Variants in TSPAN10 observed in about 807,000 individuals in gnomAD.
TSPAN10 encodes tetraspanin-10.
TSPAN10 carries 11 observed loss-of-function variants against 15.0 expected under a neutral mutation model. The observed-to-expected ratio is 0.73, with a 90% CI of 0.46 to 1.21. The LOEUF is 1.21. Ranked by LOEUF, TSPAN10 falls within the 50% of genes most tolerant of loss-of-function variation. TSPAN10 has a pLI of 0.00. For synonymous variants in TSPAN10, 241 were observed against 226.2 expected, an observed-to-expected ratio of 1.07 and a Z score of -0.59; for missense variants, 486 against 470.6, an observed-to-expected ratio of 1.03 and a Z score of -0.30.
At chr17:81,641,106 G>A (rs539980394), upstream of TSPAN10, among the ~76,000 whole-genome samples, 10 of 151,852 alleles carry the variant, frequency 6.6e-5, no homozygotes, top group South Asian at 2.1e-4. Context: ...CAGAGGTTGC[G>A]GTGAGTCAAA....
At chr17:81,647,088 G>A (rs2036264913) in intron 2 of TSPAN10, among the ~76,000 whole-genome samples, 1 of 152,134 alleles carries the variant, frequency 6.6e-6, no homozygotes, top group Non-Finnish European at 1.5e-5. Flanking sequence ...GAAGTCATAG[G>A]CAACCCTGAA....
exon 2 of TSPAN10, chr17:81,645,098 G>A (rs1208390978): frequency 5.0e-6 from 8 of 1,590,550 alleles, no homozygotes; most frequent in Non-Finnish European, 6.8e-6. Flanking sequence ...TGCAGCTGCT[G>A]TCCCCCGGAG....
chr17:81,645,410 G>C lies in TSPAN10; in HGVS notation c.455G>C (p.Gly152Ala). 1 of 1,603,354 alleles carries C rather than the reference G, an allele frequency of 6.2e-7. No homozygotes were observed. The highest frequency in any genetic ancestry group is 8.5e-7 in the Non-Finnish European group (1 of 1,177,018). ...TGTGAGAACACCTGCCTGTTACGTG[G>C]CTTCTCTGGGGGCATCCTTGCCTTC... Residue 152 changes from glycine (G) to alanine (A), a missense_variant, in exon 2 of 3, where the codon GGC becomes GCC. Gly to Ala is a moderately conservative substitution (Grantham distance 60). Coordinates refer to ENST00000611590, the Ensembl canonical transcript of TSPAN10.
At chr17:81,640,580 C>T (rs1291988586), upstream of TSPAN10, among the ~76,000 whole-genome samples, 3 of 152,118 alleles carry the variant, frequency 2.0e-5, no homozygotes, top group Non-Finnish European at 4.4e-5. Flanking sequence ...TCCCATGTAG[C>T]TGGGATTACA....
intron 2 of TSPAN10, chr17:81,646,039 GC>G (rs2144384223): frequency 3.3e-6 from 1 of 303,394 alleles, no homozygotes; most frequent in East Asian, 1.2e-4. Context: ...TGTTCCCCCC[GC>G]CAGGGCCAGG....
At chr17:81,645,057 G>T in exon 2 of TSPAN10, 1 of 1,587,710 alleles carries the variant, frequency 6.3e-7, no homozygotes, top group Non-Finnish European at 8.6e-7. Flanking sequence ...TAGGTCCAGT[G>T]CCCAGGGAGG....
intron 1 of TSPAN10, among the ~76,000 whole-genome samples, chr17:81,642,972 C>T (rs72857167): frequency 0.51 from 76,061 of 149,674 alleles, 21,102 homozygotes; most frequent in East Asian, 0.99. Context: ...GGCAATGTAG[C>T]GAGACCCTGT....
rs183262449 is a variant in TSPAN10, at chr17:81,645,450, C to T, written c.495C>T (p.Ala165=). 11,831 of 1,595,626 alleles carry T rather than the reference C, an allele frequency of 7.4e-3. 67 individuals are homozygous for T. The highest frequency in any genetic ancestry group is 8.1e-3 in the Non-Finnish European group (9,503 of 1,173,830). The stretch of plus-strand genomic sequence containing the variant: ...TCCTTGCCTTCCTGGTGCTTGAGGC[C>T]GTGGCGGGGGCCCTGGTGGTGGCCC... Residue 165 remains alanine, a synonymous_variant, in exon 2 of 3, where the codon GCC becomes GCT. Transcript: ENST00000611590.
At chr17:81,644,936 A>G in intron 1 of TSPAN10, 56 bp from the exon 3 acceptor site, 1 of 1,597,280 alleles carries the variant, frequency 6.3e-7, no homozygotes, top group Non-Finnish European at 8.5e-7. Context: ...ACCCCTCACC[A>G]GTTGTCACAG....
exon 2 of TSPAN10, chr17:81,645,063 G>A (rs746560414): frequency 4.4e-6 from 7 of 1,598,198 alleles, no homozygotes; most frequent in Non-Finnish European, 5.1e-6. Flanking sequence ...CAGTGCCCAG[G>A]GAGGACCAGG....
At chr17:81,645,820 G>T in intron 2 of TSPAN10, 191 bp downstream of exon 3, 1 of 734,812 alleles carries the variant, frequency 1.4e-6, no homozygotes, top group Non-Finnish European at 2.3e-6. Flanking sequence ...CACGTGTGTG[G>T]ACACACACCT....
chr17:81,648,563 C>G, downstream of TSPAN10: 1 of 281,664 alleles, frequency 3.6e-6, no homozygotes. Flanking sequence ...CACCTCCGAG[C>G]CCCCACTCCC....
At chr17:81,638,343 C>T (rs952765353), upstream of TSPAN10, 45 of 152,028 alleles carry the variant, frequency 3.0e-4, no homozygotes, top group African/African-American at 1.0e-3. Flanking sequence ...CTGTCACCCA[C>T]ACTGGAGTGC....
At chr17:81,639,047 A>C (rs937931200), upstream of TSPAN10, 1 of 152,116 alleles carries the variant, frequency 6.6e-6, no homozygotes, top group African/African-American at 2.4e-5. Flanking sequence ...AAGTTATTTC[A>C]GCCTACACCC....
intron 2 of TSPAN10, chr17:81,646,120 G>T (rs58136184): frequency 1.7e-5 from 4 of 235,768 alleles, no homozygotes; most frequent in Non-Finnish European, 3.3e-5. Flanking sequence ...TGCTGGGCAC[G>T]ATGGCTCACA....
chr17:81,639,679 C>A (rs1050693519), upstream of TSPAN10, among the ~76,000 whole-genome samples: 1 of 151,130 alleles, frequency 6.6e-6, no homozygotes, highest in Middle Eastern at 3.2e-3. Context: ...CATCCCAGCA[C>A]GGTGGCTCAT....
chr17:81,648,501 G>C (rs1233900785), downstream of TSPAN10: 8 of 413,766 alleles, frequency 1.9e-5, no homozygotes, highest in Non-Finnish European at 2.3e-5. Flanking sequence ...GCGAAGCCAC[G>C]GGACTGGCGG....
At chr17:81,645,593 G>A (rs766270819) in exon 2 of TSPAN10, 1 of 1,612,716 alleles carries the variant, frequency 6.2e-7, no homozygotes, top group East Asian at 2.2e-5. Flanking sequence ...CTGAGGTGCT[G>A]CGGAGCTGCC....
chr17:81,648,369 C>G (rs1028669158), downstream of TSPAN10: 2 of 1,164,700 alleles, frequency 1.7e-6, no homozygotes, highest in African/African-American at 3.2e-5. Context: ...AAAGCGCGGC[C>G]TGCGCCGCCG....
Sources: gnomAD v4.1 joint callset for allele counts (sites outside exome capture counted in the v4.1 genomes callset) on GRCh38, gnomAD v4.1.1 for gene constraint, MANE v1.5 for transcripts, NCBI Gene and HGNC (gene_info 2026-07-23, HGNC 2026-07-21) for gene names.